DMD: variants seen among roughly 807,000 people sequenced by gnomAD.
DMD encodes the protein mutant dystrophin.
In DMD, 63 loss-of-function variants were observed where a neutral mutation model predicts 330.1. The ratio of observed to expected loss-of-function variants is 0.19; its 90% CI spans 0.16 to 0.24. The LOEUF (loss-of-function observed/expected upper bound fraction) is 0.24. Among genes scored for constraint, DMD ranks in the 10% least tolerant of loss-of-function variants. DMD has a pLI of 1.00. For missense variants in DMD, 3,344 were observed against 2,684.1 expected, an observed-to-expected ratio of 1.25 and a Z score of -5.43; for synonymous variants, 1,223 against 959.8, an observed-to-expected ratio of 1.27 and a Z score of -5.07.
intron 1 of DMD, among the ~76,000 whole-genome samples, chrX:33,313,462 C>T (rs2053880359): frequency 9.0e-6 from 1 of 111,413 alleles, no homozygotes; most frequent in Non-Finnish European, 1.9e-5. Flanking sequence ...TTTTGTCAGG[C>T]ACTATGGTTA....
intron 1 of DMD, among the ~76,000 whole-genome samples, chrX:33,304,166 T>C (rs937960532): frequency 9.0e-6 from 1 of 111,606 alleles, no homozygotes; most frequent in Non-Finnish European, 1.9e-5. Flanking sequence ...ATCTAAACTA[T>C]ACTACAAGGC....
intron 7 of DMD, among the ~76,000 whole-genome samples, chrX:32,788,637 T>TTTA (rs2075589252): frequency 8.9e-6 from 1 of 112,047 alleles, no homozygotes; most frequent in African/African-American, 3.2e-5. Flanking sequence ...CAGTAAAAGT[T>TTTA]GCATATCTGG....
chrX:32,924,989 G>C (rs2088830260), intron 2 of DMD, among the ~76,000 whole-genome samples: 1 of 110,233 alleles, frequency 9.1e-6, no homozygotes, highest in Non-Finnish European at 1.9e-5. Flanking sequence ...TGAATATTAA[G>C]AACAGATACA....
intron 55 of DMD, among the ~76,000 whole-genome samples, chrX:31,540,735 T>C (rs1372042293): frequency 8.9e-6 from 1 of 111,805 alleles, no homozygotes; most frequent in Non-Finnish European, 1.9e-5. Context: ...CCAGAAAACT[T>C]AGAAGCCCTT....
At chrX:32,178,212 C>A (rs1057429960) in intron 44 of DMD, among the ~76,000 whole-genome samples, 117 of 104,228 alleles carry the variant, frequency 1.1e-3, no homozygotes, top group Admixed American at 1.7e-3. Flanking sequence ...TTTTTTTTTA[C>A]AACTAATGTC....
Position 31,152,099 on chromosome X carries a change from A to T in DMD, c.10554-4581T>A, listed in dbSNP as rs910324239. 8.1e-5 allele frequency among the ~76,000 whole-genome samples: 9 copies of T among 111,760 alleles called. No individual in the cohort carries two copies. In the Admixed American group the frequency reaches 8.5e-4, roughly 11 times the overall value. ...TTTTGGCAAAGATATCTTTGTTTTC[A>T]GACCTAGTTACATTTCATCCATCTC... On this transcript the variant is annotated intron_variant, in intron 74 of 78. Transcript: ENST00000357033.
chrX:32,237,140 C>T (rs997771570), intron 43 of DMD, among the ~76,000 whole-genome samples: 1 of 111,154 alleles, frequency 9.0e-6, no homozygotes, highest in South Asian at 3.8e-4. Flanking sequence ...TTTTGCCCTA[C>T]ATGCCCCAAA....
intron 44 of DMD, among the ~76,000 whole-genome samples, chrX:32,131,490 A>G (rs1186412430): frequency 3.6e-5 from 4 of 111,915 alleles, no homozygotes; most frequent in Non-Finnish European, 7.5e-5. Flanking sequence ...AAGTAAGACT[A>G]CATGCCTGTC....
intron 47 of DMD, among the ~76,000 whole-genome samples, chrX:31,879,295 G>A (rs2094021622): frequency 9.2e-6 from 1 of 109,232 alleles, no homozygotes; most frequent in Admixed American, 9.9e-5. Context: ...GCTTGCTCAG[G>A]GGAACTCACA....
chrX:31,954,357 C>A (rs1268528050), intron 45 of DMD, among the ~76,000 whole-genome samples: 2 of 111,521 alleles, frequency 1.8e-5, no homozygotes, highest in Admixed American at 1.9e-4. Context: ...CTGAAACACT[C>A]CAGAAACCGT....
At chrX:33,056,551 G>T (rs763085755) in intron 1 of DMD, among the ~76,000 whole-genome samples, 1 of 109,176 alleles carries the variant, frequency 9.2e-6, no homozygotes, top group Non-Finnish European at 1.9e-5. Flanking sequence ...TAGTAGAGAC[G>T]GGGTTTTACC....
At chrX:32,078,262 A>T (rs991584427) in intron 44 of DMD, among the ~76,000 whole-genome samples, 1 of 111,788 alleles carries the variant, frequency 8.9e-6, no homozygotes, top group Non-Finnish European at 1.9e-5. Flanking sequence ...ACACTGATTT[A>T]TTTTTTTCTC....
chrX:31,343,582 A>AGTGTGTGT (rs56312485), intron 61 of DMD, among the ~76,000 whole-genome samples: 25 of 87,639 alleles, frequency 2.9e-4, no homozygotes, highest in East Asian at 1.2e-3. Flanking sequence ...TCCAAAGGGG[A>AGTGTGTGT]GTGTGTGTGT....
intron 7 of DMD, among the ~76,000 whole-genome samples, chrX:32,719,934 T>C (rs935715827): frequency 9.1e-6 from 1 of 109,572 alleles, no homozygotes; most frequent in Non-Finnish European, 1.9e-5. Context: ...TGCACACACA[T>C]ACTATATGAC....
At chrX:32,145,831 C>T (rs1019414977) in intron 44 of DMD, among the ~76,000 whole-genome samples, 2 of 111,606 alleles carry the variant, frequency 1.8e-5, no homozygotes, top group Admixed American at 1.9e-4. Context: ...TAATTTAATA[C>T]TAGTATCAAA....
Position 31,763,420 on chromosome X carries a change from G to A in DMD, c.7542+10540C>T, listed in dbSNP as rs756745967. Among the ~76,000 whole-genome samples, 10 of 111,548 alleles carry A rather than the reference G, an allele frequency of 9.0e-5. No individual in the cohort carries two copies. In the South Asian group the frequency reaches 1.5e-3, roughly 17 times the overall value. On this transcript the variant is annotated intron_variant, in intron 51 of 78. Transcript: ENST00000357033. ...CTACTAAAAATAAAAAAAATTAGCC[G>A]GGTGTGGTGGTGAGTGCCTGTAATC... is the stretch of plus-strand genomic sequence containing the variant.
intron 74 of DMD, among the ~76,000 whole-genome samples, chrX:31,163,996 C>A (rs1217462091): frequency 8.9e-6 from 1 of 112,234 alleles, no homozygotes; most frequent in East Asian, 2.8e-4. Flanking sequence ...GAGCTGGAAA[C>A]ACCACAGCCA....
chrX:32,737,244 G>A (rs932598968), intron 7 of DMD, among the ~76,000 whole-genome samples: 1 of 110,739 alleles, frequency 9.0e-6, no homozygotes, highest in African/African-American at 3.3e-5. Flanking sequence ...GTTTCACTTG[G>A]AATAAAATAA....
At chrX:32,541,636 C>G (rs144968466) in intron 17 of DMD, among the ~76,000 whole-genome samples, 475 of 111,155 alleles carry the variant, frequency 4.3e-3, no homozygotes, top group African/African-American at 0.015. Context: ...ATAATAGACA[C>G]TGGGGCCTAT....
Sources: allele counts gnomAD v4.1 joint callset (sites outside exome capture counted in the v4.1 genomes callset), GRCh38; gene constraint gnomAD v4.1.1; transcripts MANE v1.5; gene names NCBI Gene and HGNC (gene_info 2026-07-23, HGNC 2026-07-21).